CHCHD3: variants seen among roughly 807,000 people sequenced by gnomAD.
The protein encoded by CHCHD3 is MICOS complex subunit MIC19.
In CHCHD3, 20 loss-of-function variants were observed where a neutral mutation model predicts 38.2. The observed-to-expected ratio is 0.52, with a 90% CI of 0.37 to 0.76. CHCHD3 has a LOEUF of 0.76. Ranked by LOEUF, CHCHD3 falls within the 30% of genes least tolerant of loss-of-function variation. CHCHD3 has a pLI of 0.00. For synonymous variants in CHCHD3, 82 were observed against 100.0 expected, an observed-to-expected ratio of 0.82 and a Z score of 1.07; for missense variants, 245 against 279.2, an observed-to-expected ratio of 0.88 and a Z score of 0.87.
chr7:132,936,968 C>A lies in CHCHD3; in HGVS notation c.369+38201G>T, dbSNP rs531905408. On this transcript the variant is annotated intron_variant, in intron 4 of 7. Coordinates refer to ENST00000262570, the MANE Select transcript of CHCHD3 (RefSeq NM_017812.4). The stretch of plus-strand genomic sequence containing the variant: ...GTTACTGATGTTATTTGTTTGGAAG[C>A]CTTGTGATTTAGTGAATCACTAGCA... Among the ~76,000 whole-genome samples the A allele has an allele frequency of 3.3e-5, 5 of 152,246 alleles. No homozygotes were observed. In the South Asian group the frequency reaches 6.2e-4, roughly 19 times the overall value.
chr7:132,876,707 A>G (rs576027529), intron 5 of CHCHD3, among the ~76,000 whole-genome samples: 1 of 152,344 alleles, frequency 6.6e-6, no homozygotes, highest in East Asian at 1.9e-4. Context: ...TGCAAAGCAC[A>G]GTAGTCCATT....
chr7:132,821,137 T>TGATGAGCATCA, intron 6 of CHCHD3, among the ~76,000 whole-genome samples: 1 of 152,310 alleles, frequency 6.6e-6, no homozygotes, highest in East Asian at 1.9e-4. Flanking sequence ...GGGAAATATA[T>TGATGAGCATCA]ATTAGATCAT....
intron 4 of CHCHD3, among the ~76,000 whole-genome samples, chr7:132,944,764 A>G (rs952550786): frequency 6.6e-6 from 1 of 152,036 alleles, no homozygotes; most frequent in Non-Finnish European, 1.5e-5. Flanking sequence ...TGGTAGGATT[A>G]TGGATGTTTT....
chr7:132,865,755 G>A (rs1258797286), intron 5 of CHCHD3, among the ~76,000 whole-genome samples: 1 of 152,072 alleles, frequency 6.6e-6, no homozygotes. Context: ...TTCTACCACT[G>A]TTCCTATTTA....
intron 4 of CHCHD3, among the ~76,000 whole-genome samples, chr7:132,896,016 T>C (rs1007643333): frequency 2.6e-5 from 4 of 152,250 alleles, no homozygotes; most frequent in African/African-American, 9.6e-5. Flanking sequence ...GGATTTCTAA[T>C]AAAGTTTTGT....
intron 4 of CHCHD3, among the ~76,000 whole-genome samples, chr7:132,948,090 T>G (rs1454309526): frequency 1.3e-5 from 2 of 152,234 alleles, no homozygotes; most frequent in East Asian, 1.9e-4. Context: ...TTTTCTTTTG[T>G]TTTTAACAAA....
chr7:132,837,710 T>C (rs2117094395), intron 6 of CHCHD3, among the ~76,000 whole-genome samples: 2 of 152,318 alleles, frequency 1.3e-5, no homozygotes, highest in Middle Eastern at 3.4e-3. Flanking sequence ...GCTTCACTAA[T>C]TTGCGCATGT....
intron 4 of CHCHD3, among the ~76,000 whole-genome samples, chr7:132,923,045 A>T (rs1196924616): frequency 2.0e-5 from 3 of 152,232 alleles, no homozygotes; most frequent in African/African-American, 7.2e-5. Flanking sequence ...ACAGTCACTT[A>T]GAATAGGAAT....
intron 5 of CHCHD3, among the ~76,000 whole-genome samples, chr7:132,869,068 T>C (rs1808701696): frequency 6.6e-6 from 1 of 152,224 alleles, no homozygotes; most frequent in South Asian, 2.1e-4. Flanking sequence ...ACTGATATCC[T>C]AAGTCAGACA....
chr7:133,067,178 C>A (rs1057035974), intron 2 of CHCHD3, among the ~76,000 whole-genome samples: 4 of 152,096 alleles, frequency 2.6e-5, no homozygotes, highest in Non-Finnish European at 5.9e-5. Flanking sequence ...TAGCAGAGTA[C>A]CTACAATGTA....
intron 6 of CHCHD3, among the ~76,000 whole-genome samples, chr7:132,824,007 C>T (rs1807445335): frequency 2.0e-5 from 3 of 152,178 alleles, no homozygotes; most frequent in Admixed American, 1.3e-4. Context: ...TTAATCAGAA[C>T]TAATCTTTAC....
At chr7:132,991,185 G>T (rs949952329) in intron 3 of CHCHD3, among the ~76,000 whole-genome samples, 2 of 152,004 alleles carry the variant, frequency 1.3e-5, no homozygotes, top group Non-Finnish European at 2.9e-5. Context: ...ATGCATAAAG[G>T]TTAATGGCTG....
chr7:133,027,557 T>C (rs1813382004), intron 2 of CHCHD3, among the ~76,000 whole-genome samples: 1 of 152,112 alleles, frequency 6.6e-6, no homozygotes, highest in Non-Finnish European at 1.5e-5. Context: ...ATCAACAATC[T>C]AGGGGAACTT....
intron 4 of CHCHD3, among the ~76,000 whole-genome samples, chr7:132,937,906 A>C (rs761241916): frequency 6.6e-6 from 1 of 152,216 alleles, no homozygotes; most frequent in Non-Finnish European, 1.5e-5. Context: ...TCATTTGTTA[A>C]AAGACATTTC....
At chr7:132,990,666 T>TA (rs1367960721) in intron 3 of CHCHD3, among the ~76,000 whole-genome samples, 7 of 152,292 alleles carry the variant, frequency 4.6e-5, no homozygotes, top group South Asian at 2.1e-4. Flanking sequence ...GTTTTGCACT[T>TA]ACGTTTCTTT....
intron 5 of CHCHD3, among the ~76,000 whole-genome samples, chr7:132,880,409 A>G (rs1342410533): frequency 6.6e-6 from 1 of 152,234 alleles, no homozygotes; most frequent in African/African-American, 2.4e-5. Flanking sequence ...TAAGGATGCT[A>G]TAAACAATAA....
At chr7:132,838,613 T>C (rs750476389) in intron 5 of CHCHD3, 144 bp from the exon 6 acceptor site, 1 of 601,128 alleles carries the variant, frequency 1.7e-6, no homozygotes, top group South Asian at 2.2e-5. Flanking sequence ...CATGGATACT[T>C]ATAAAACACA....
At chr7:132,917,653 T>C (rs977381168) in intron 4 of CHCHD3, among the ~76,000 whole-genome samples, 1 of 152,004 alleles carries the variant, frequency 6.6e-6, no homozygotes, top group South Asian at 2.1e-4. Context: ...GGTCAGGAGA[T>C]CGAGACCATC....
At chr7:132,992,202 G>A (rs776191134) in intron 3 of CHCHD3, among the ~76,000 whole-genome samples, 1 of 152,146 alleles carries the variant, frequency 6.6e-6, no homozygotes, top group Non-Finnish European at 1.5e-5. Flanking sequence ...AGCAGCACTT[G>A]CTCCTGCAGC....
Sources: gnomAD v4.1 joint callset for allele counts (sites outside exome capture counted in the v4.1 genomes callset) on GRCh38, gnomAD v4.1.1 for gene constraint, MANE v1.5 for transcripts, NCBI Gene and HGNC (gene_info 2026-07-23, HGNC 2026-07-21) for gene names.